Variants in SV2C observed in about 807,000 individuals in gnomAD.
SV2C encodes solute carrier family 22 member B3.
In SV2C, 49 loss-of-function variants were observed where a neutral mutation model predicts 79.7. The ratio of observed to expected loss-of-function variants is 0.61; its 90% CI spans 0.49 to 0.78. The LOEUF is 0.78. SV2C is among the 30% of genes least tolerant of loss of function. The pLI, the probability that SV2C is intolerant of heterozygous loss-of-function variation, is 0.00. For synonymous variants in SV2C, 334 were observed against 333.2 expected, an observed-to-expected ratio of 1.00 and a Z score of -0.03; for missense variants, 833 against 912.9, an observed-to-expected ratio of 0.91 and a Z score of 1.13.
At chr5:76,051,325 T>C in the SV2C span, among the ~76,000 whole-genome samples, 1 of 152,194 alleles carries the variant, frequency 6.6e-6, no homozygotes, top group Admixed American at 6.5e-5. Context: ...AGTAACTGTG[T>C]AGATGAGAGA....
At position 76,322,438 on chromosome 5, in the gene SV2C, T is replaced by G. The variant is rs185988028; in HGVS notation, c.2001-2926T>G. 3.1e-4 allele frequency among the ~76,000 whole-genome samples: 47 copies of G among 152,298 alleles called. No homozygotes were observed. The East Asian group carries it at 8.7e-3, about 28-fold the overall frequency. On this transcript the variant is annotated intron_variant, in intron 12 of 12. Transcript: ENST00000502798. ...CATATTCATGGATAGGAAGAATCAA[T>G]ATAGTGAAAGTGGCCATACTGCCCA...
At chr5:76,098,497 G>A (rs1038883903) in intron 1 of SV2C, among the ~76,000 whole-genome samples, 65 of 152,246 alleles carry the variant, frequency 4.3e-4, no homozygotes, top group African/African-American at 1.5e-3. Flanking sequence ...CTCTATCTGC[G>A]GCATGCAGAA....
intron 2 of SV2C, among the ~76,000 whole-genome samples, chr5:76,188,926 G>T (rs1045669560): frequency 4.0e-5 from 6 of 151,816 alleles, no homozygotes; most frequent in South Asian, 4.2e-4. Flanking sequence ...GGACAACAGG[G>T]CAGCAGCTGT....
Position 76,182,006 on chromosome 5 carries a change from G to A in SV2C, c.581-12913G>A, listed in dbSNP as rs139721944. On this transcript the variant is annotated intron_variant, in intron 2 of 12. Transcript: ENST00000502798. ...TTTCCAACCTTCTCATGCCTCCTAC[G>A]TTAGACCTTCTCCAGGACTGTTGTG... Among the ~76,000 whole-genome samples the A allele has an allele frequency of 1.1e-4, 16 of 152,108 alleles. No individual in the cohort carries two copies. In the East Asian group the frequency reaches 2.1e-3, roughly 20 times the overall value.
At chr5:75,955,424 C>T in the SV2C span, among the ~76,000 whole-genome samples, 888 of 151,610 alleles carry the variant, frequency 5.9e-3, 14 homozygotes, top group African/African-American at 0.021. Context: ...AAACGTTAGA[C>T]CTAAAGCCAT....
At chr5:76,271,898 C>T (rs929210191) in intron 4 of SV2C, among the ~76,000 whole-genome samples, 2 of 152,108 alleles carry the variant, frequency 1.3e-5, no homozygotes, top group African/African-American at 2.4e-5. Context: ...AGTATGATGT[C>T]CCCTTGCTTG....
chr5:75,856,882 C>T, the SV2C span, among the ~76,000 whole-genome samples: 2 of 151,528 alleles, frequency 1.3e-5, no homozygotes, highest in Admixed American at 1.3e-4. Context: ...GATCAATGTC[C>T]TGGAGAGGTT....
chr5:75,962,101 A>G, the SV2C span, among the ~76,000 whole-genome samples: 1 of 152,272 alleles, frequency 6.6e-6, no homozygotes, highest in South Asian at 2.1e-4. Flanking sequence ...CGTAAGGGCA[A>G]GAAACAGAAA....
chr5:75,970,449 A>C, the SV2C span, among the ~76,000 whole-genome samples: 1 of 152,114 alleles, frequency 6.6e-6, no homozygotes, highest in African/African-American at 2.4e-5. Flanking sequence ...AGAAGAAAAG[A>C]GAGAAGAATC....
chr5:75,895,483 T>C, the SV2C span, among the ~76,000 whole-genome samples: 1 of 152,086 alleles, frequency 6.6e-6, no homozygotes, highest in South Asian at 2.1e-4. Flanking sequence ...AGTAGTTTAA[T>C]TAAAAACCAA....
At chr5:76,005,287 G>A in the SV2C span, among the ~76,000 whole-genome samples, 1 of 152,172 alleles carries the variant, frequency 6.6e-6, no homozygotes, top group African/African-American at 2.4e-5. Flanking sequence ...AAAAAGTTTG[G>A]TGACTAAAAA....
the SV2C span, chr5:75,921,186 G>A: frequency 2.0e-6 from 2 of 982,366 alleles, no homozygotes; most frequent in South Asian, 1.5e-5. Context: ...AAGTGCCCGT[G>A]GAACTTGAGC....
At position 76,083,541 on chromosome 5, in the gene SV2C, G is replaced by C. The variant is rs76131769; in HGVS notation, c.-102+29G>C. 315 of 152,480 alleles carry C rather than the reference G, an allele frequency of 2.1e-3. 1 individual carries two copies. Among genetic ancestry groups the C allele is most frequent in the Non-Finnish European group, 3.6e-3 (247 of 68,142 alleles). 9.4% of individuals were successfully genotyped at this position (152,480 alleles called of 1,614,324 possible). A position where few individuals can be genotyped will look rare whatever the true frequency, so the allele number is the denominator to read the frequency against. On this transcript the variant is annotated intron_variant, in intron 1 of 12. Transcript: ENST00000502798. ...AGTGGGGGAGGTGAAGCGGGCATCC[G>C]CGGGGAGACTTTCCCCCGCTGCTGG...
chr5:76,349,573 C>A (rs1269892517), intron 12 of SV2C, among the ~76,000 whole-genome samples: 1 of 151,902 alleles, frequency 6.6e-6, no homozygotes, highest in Non-Finnish European at 1.5e-5. Context: ...TTAAACAATT[C>A]AGTTTAGATT....
chr5:75,853,155 A>G, the SV2C span, among the ~76,000 whole-genome samples: 10,798 of 152,234 alleles, frequency 0.071, 858 homozygotes, highest in African/African-American at 0.2. Flanking sequence ...TACAACAACA[A>G]CTAGAAATAA....
the SV2C span, among the ~76,000 whole-genome samples, chr5:76,065,136 A>T: frequency 1.3e-5 from 2 of 152,196 alleles, no homozygotes; most frequent in Non-Finnish European, 2.9e-5. Context: ...ACAAGATTTC[A>T]AGTAAGAACA....
At chr5:76,213,921 G>A (rs2112362736) in intron 4 of SV2C, among the ~76,000 whole-genome samples, 1 of 152,118 alleles carries the variant, frequency 6.6e-6, no homozygotes, top group African/African-American at 2.4e-5. Flanking sequence ...CTCTTTCTAT[G>A]AGTTCAACTT....
chr5:75,911,303 C>G, the SV2C span: 1 of 1,404,962 alleles, frequency 7.1e-7, no homozygotes, highest in Non-Finnish European at 1.0e-6. Context: ...CTGAGCCCTT[C>G]AGGGCAGCCT....
chr5:76,198,242 C>T (rs967702557), intron 3 of SV2C, among the ~76,000 whole-genome samples: 7 of 152,038 alleles, frequency 4.6e-5, no homozygotes, highest in Non-Finnish European at 8.8e-5. Context: ...ATTTGATCCC[C>T]GGTGTTGGAG....
Sources: gnomAD v4.1 joint callset for allele counts (sites outside exome capture counted in the v4.1 genomes callset) on GRCh38, gnomAD v4.1.1 for gene constraint, MANE v1.5 for transcripts, NCBI Gene and HGNC (gene_info 2026-07-23, HGNC 2026-07-21) for gene names.